ANK3: variants seen among roughly 807,000 people sequenced by gnomAD.
The protein encoded by ANK3 is ankyrin 3, also known as ankyrin-3.
In ANK3, 57 loss-of-function variants were observed where a neutral mutation model predicts 370.9. The observed-to-expected ratio is 0.15, with a 90% CI of 0.12 to 0.19. The LOEUF (loss-of-function observed/expected upper bound fraction) is 0.19. Among genes scored for constraint, ANK3 ranks in the 10% least tolerant of loss-of-function variants. The probability of loss-of-function intolerance (pLI) is 1.00; values close to 1 mark genes in which losing one functional copy is unlikely to be tolerated. For missense variants in ANK3, 4,439 were observed against 5,302.1 expected, an observed-to-expected ratio of 0.84 and a Z score of 5.06; for synonymous variants, 1,929 against 1,946.3, an observed-to-expected ratio of 0.99 and a Z score of 0.23.
rs1170312298 is a variant in ANK3 at position 60,240,302 on chromosome 10, A to AT, written c.799-5517dup. Among the ~76,000 whole-genome samples, 828 of 88,112 alleles carry AT rather than the reference A, an allele frequency of 9.4e-3. 30 individuals carry two copies. Among genetic ancestry groups the AT allele is most frequent in the African/African-American group, 0.031 (709 of 22,724 alleles). 57.8% of individuals were successfully genotyped at this position (88,112 alleles called of 152,430 possible). A position where few individuals can be genotyped will look rare whatever the true frequency, so the allele number is the denominator to read the frequency against. ...CACACATATATATATATATATATAT[A>AT]TATATTTTTTTTTCTTTTTGAGATA... On this transcript the variant is annotated intron_variant, in intron 7 of 43. Coordinates refer to ENST00000280772, the MANE Select transcript of ANK3 (RefSeq NM_020987.5).
intron 12 of ANK3, among the ~76,000 whole-genome samples, chr10:60,200,597 G>A (rs2096658117): frequency 6.6e-6 from 1 of 152,014 alleles, no homozygotes; most frequent in Admixed American, 6.6e-5. Flanking sequence ...GAAGCAGGCA[G>A]CCAACCCCCC....
chr10:60,715,617 T>A (rs958993241), intron 1 of ANK3, among the ~76,000 whole-genome samples: 2 of 152,192 alleles, frequency 1.3e-5, no homozygotes, highest in African/African-American at 4.8e-5. Context: ...TTCTGGAGAC[T>A]TTGTATTTCT....
At position 60,298,764 on chromosome 10, in the gene ANK3, A is replaced by AT. The variant is rs371882024; in HGVS notation, c.115-19126dup. 8.0e-4 allele frequency among the ~76,000 whole-genome samples: 122 copies of AT among 152,228 alleles called. 1 individual carries two copies. The highest frequency in any genetic ancestry group is 2.9e-3 in the African/African-American group (119 of 41,550). On this transcript the variant is annotated intron_variant, in intron 1 of 43. Coordinates refer to ENST00000280772, the MANE Select transcript of ANK3 (RefSeq NM_020987.5). ...TTTAGGCTTTCCTTTTGGATCTCAG[A>AT]TTTTTTAAGTTATTAATTAATAAAA...
chr10:60,337,022 G>A (rs1010551458), intron 1 of ANK3, among the ~76,000 whole-genome samples: 1 of 112,282 alleles, frequency 8.9e-6, no homozygotes, highest in Non-Finnish European at 2.0e-5. Context: ...CAAGAAAAAG[G>A]CTTTAAAAAA....
intron 24 of ANK3, chr10:60,138,390 C>T (rs2094441039): frequency 6.8e-6 from 2 of 294,268 alleles, no homozygotes; most frequent in Non-Finnish European, 1.2e-5. Context: ...AATTTGTCAC[C>T]ATTCCTGTCT....
chr10:60,386,113 G>A (rs566018388), intron 1 of ANK3, among the ~76,000 whole-genome samples: 3 of 152,228 alleles, frequency 2.0e-5, no homozygotes, highest in African/African-American at 7.2e-5. Flanking sequence ...CCTGCTGGGA[G>A]CAGGGGATAT....
chr10:60,669,628 T>A (rs1034536138), intron 1 of ANK3, among the ~76,000 whole-genome samples: 3 of 152,184 alleles, frequency 2.0e-5, no homozygotes, highest in African/African-American at 7.2e-5. Flanking sequence ...CCTTGAACAG[T>A]TGACACACTA....
At chr10:60,698,926 A>AAAAT (rs1169368091) in intron 1 of ANK3, among the ~76,000 whole-genome samples, 20 of 133,828 alleles carry the variant, frequency 1.5e-4, no homozygotes, top group African/African-American at 4.5e-4. Flanking sequence ...ATAATAAAGA[A>AAAAT]AAATAAATAA....
At position 60,620,220 on chromosome 10, in the gene ANK3, G is replaced by C. The variant is rs148487671; in HGVS notation, c.58-4996C>G. ...ATTTCTTATTTTACATTTCCAGCTA[G>C]TCAATGTGTATGATAAAAAAGAATT... On this transcript the variant is annotated intron_variant, in intron 1 of 43. Transcript: ENST00000373827. 6.7e-3 allele frequency among the ~76,000 whole-genome samples: 1,015 copies of C among 152,072 alleles called. 14 individuals carry two copies. The highest frequency in any genetic ancestry group is 0.023 in the African/African-American group (943 of 41,466).
chr10:60,589,698 A>G (rs931285451), intron 2 of ANK3, among the ~76,000 whole-genome samples: 2 of 152,228 alleles, frequency 1.3e-5, no homozygotes, highest in Non-Finnish European at 2.9e-5. Context: ...ATGCCCAACC[A>G]GAAATAAAAT....
At chr10:60,697,644 G>A (rs1342246472) in intron 1 of ANK3, among the ~76,000 whole-genome samples, 3 of 146,784 alleles carry the variant, frequency 2.0e-5, no homozygotes, top group Non-Finnish European at 3.0e-5. Flanking sequence ...AGAAAAACAA[G>A]CAATGGGGAA....
chr10:60,464,971 T>G (rs1192440713), intron 2 of ANK3, among the ~76,000 whole-genome samples: 1 of 152,188 alleles, frequency 6.6e-6, no homozygotes, highest in Non-Finnish European at 1.5e-5. Context: ...CAGATTCTCA[T>G]GAGAAGTTCC....
intron 2 of ANK3, among the ~76,000 whole-genome samples, chr10:60,610,672 C>T (rs2078188877): frequency 6.6e-6 from 1 of 152,062 alleles, no homozygotes. Context: ...AAATAATATC[C>T]TCACCACAGA....
At chr10:60,599,940 G>C (rs770737812) in intron 2 of ANK3, among the ~76,000 whole-genome samples, 1 of 151,694 alleles carries the variant, frequency 6.6e-6, no homozygotes, top group Non-Finnish European at 1.5e-5. Context: ...TTTTGTTTTC[G>C]CACAGCAACC....
At chr10:60,468,574 AC>A (rs1478097924) in intron 2 of ANK3, among the ~76,000 whole-genome samples, 2 of 152,046 alleles carry the variant, frequency 1.3e-5, no homozygotes, top group African/African-American at 2.4e-5. Context: ...TTTTTCCCTG[AC>A]CAATCTCTTG....
rs2072536782 is a variant in ANK3 at position 60,028,271 on chromosome 10, T to C, written c.*1575A>G. The C allele has an allele frequency of 1.3e-5, 2 of 152,610 alleles. No homozygotes were observed. The highest frequency in any genetic ancestry group is 4.8e-5 in the African/African-American group (2 of 41,452). 9.5% of individuals were successfully genotyped at this position (152,610 alleles called of 1,614,324 possible). A position where few individuals can be genotyped will look rare whatever the true frequency, so the allele number is the denominator to read the frequency against. On this transcript the variant is annotated 3_prime_UTR_variant, in exon 44 of 44. Transcript: ENST00000280772. ...GAGCTTGCAGGGCACATATGAATGT[T>C]AGAGATTATCTCTTCAGTGACCACA...
At chr10:60,564,100 T>C (rs996678444) in intron 2 of ANK3, among the ~76,000 whole-genome samples, 4 of 152,264 alleles carry the variant, frequency 2.6e-5, no homozygotes, top group African/African-American at 7.2e-5. Context: ...AAAATTTCAG[T>C]TTCATGGATG....
At chr10:60,101,807 T>A (rs1045869414) in intron 28 of ANK3, among the ~76,000 whole-genome samples, 1 of 152,212 alleles carries the variant, frequency 6.6e-6, no homozygotes, top group East Asian at 1.9e-4. Flanking sequence ...TTTTCCTGAA[T>A]ACATACCATA....
At chr10:60,260,318 A>G (rs2097785831) in intron 7 of ANK3, among the ~76,000 whole-genome samples, 1 of 152,182 alleles carries the variant, frequency 6.6e-6, no homozygotes, top group African/African-American at 2.4e-5. Context: ...TATACGTGAG[A>G]TAAAATGCAT....
Sources: gnomAD v4.1 joint callset for allele counts (sites outside exome capture counted in the v4.1 genomes callset) on GRCh38, gnomAD v4.1.1 for gene constraint, MANE v1.5 for transcripts, NCBI Gene and HGNC (gene_info 2026-07-23, HGNC 2026-07-21) for gene names.